ADM2: variants seen among roughly 807,000 people sequenced by gnomAD.
ADM2 encodes the protein adrenomedullin 2.
Under a neutral mutation model 7.1 loss-of-function variants are expected in ADM2, and 5 were observed. The ratio of observed to expected loss-of-function variants is 0.71; its 90% CI spans 0.37 to 1.49. The LOEUF is 1.49. Ranked by LOEUF, ADM2 falls within the 40% of genes most tolerant of loss-of-function variation. ADM2 has a pLI of 0.03. For synonymous variants in ADM2, 123 were observed against 92.8 expected (o/e 1.33, Z -1.87); for missense variants, 236 against 211.2 (o/e 1.12, Z -0.73).
rs1376539243 is a variant in ADM2 at position 50,482,686 on chromosome 22, T to C, written c.230T>C (p.Val77Ala). 6.2e-6 allele frequency: 10 copies of C among 1,601,498 alleles called. No individual in the cohort carries two copies. In the South Asian group the frequency reaches 1.0e-4, roughly 16 times the overall value. The part of the protein sequence containing the change: ...QAQRGAGLAP[V>A]MGQPLRDGGR... ...CAGAGGGGTGCCGGCCTGGCCCCTG[T>C]TATGGGTCAGCCTCTCCGGGATGGT... Residue 77 changes from valine to alanine, a missense_variant, in exon 3 of 3, where the codon GTT becomes GCT. Val to Ala is a moderately conservative substitution (Grantham distance 64). Coordinates refer to ENST00000395737, the MANE Select transcript of ADM2 (RefSeq NM_001253845.2).
In ADM2 at chr22:50,486,003, G is replaced by C. The variant is rs1011927680; in HGVS notation, c.*3100G>C. The C allele has an allele frequency of 2.0e-5, 3 of 152,174 alleles. No homozygotes were observed. The highest frequency in any genetic ancestry group is 4.8e-5 in the African/African-American group (2 of 41,392). The allele number at this position is 152,174 out of a possible 1,614,324, so 9.4% of individuals were successfully genotyped here. A position where few individuals can be genotyped will look rare whatever the true frequency, so the allele number is the denominator to read the frequency against. ...GCATGGGAAGTTGCGTTGGCGGCCT[G>C]GGTGTTGGCGGTTCCGTGCCTGCTC... On this transcript the variant is annotated 3_prime_UTR_variant, in exon 3 of 3. Transcript: ENST00000395737.
In ADM2 at chr22:50,484,161, C is replaced by T. The variant is rs2068234663; in HGVS notation, c.*1258C>T. 6.6e-6 allele frequency: 1 copy of T among 152,428 alleles called. No homozygotes were observed. Among genetic ancestry groups the T allele is most frequent in the South Asian group, 2.1e-4 (1 of 4,834 alleles). The allele number at this position is 152,428 out of a possible 1,614,324, so 9.4% of individuals were successfully genotyped here. A position where few individuals can be genotyped will look rare whatever the true frequency, so the allele number is the denominator to read the frequency against. ...TGGAAGCGCCCACCCAGGCGCCGCC[C>T]CTGTGCTTGCTCCCCGAGCTCAGGG... On this transcript the variant is annotated 3_prime_UTR_variant, in exon 3 of 3. Transcript: ENST00000395737.
In ADM2 at chr22:50,483,845, C is replaced by T. The variant is rs2068230219; in HGVS notation, c.*942C>T. 6.3e-6 allele frequency: 1 copy of T among 159,062 alleles called. No individual in the cohort carries two copies. Among genetic ancestry groups the T allele is most frequent in the Admixed American group, 6.1e-5 (1 of 16,426 alleles). 9.9% of individuals were successfully genotyped at this position (159,062 alleles called of 1,614,324 possible). ...CAAGTGACAGCAAGAACAAGAACCACTGCCGGCGTGCACAGACTTGGTGTG... is the reference window on the plus strand; with the variant it reads ...CAAGTGACAGCAAGAACAAGAACCATTGCCGGCGTGCACAGACTTGGTGTG... On this transcript the variant is annotated 3_prime_UTR_variant, in exon 3 of 3. Coordinates refer to ENST00000395737, the MANE Select transcript of ADM2 (RefSeq NM_001253845.2).
chr22:50,482,084 C>T, intron 2 of ADM2, 127 bp downstream of exon 2: 1 of 872,492 alleles, frequency 1.1e-6, no homozygotes, highest in Non-Finnish European at 1.7e-6. Context: ...AAACAAAGGC[C>T]CCTACCCCAG....
In ADM2 at chr22:50,483,257, A is replaced by G. The variant is rs999672474; in HGVS notation, c.*354A>G. The G allele has an allele frequency of 7.7e-6, 4 of 520,764 alleles. No individual in the cohort carries two copies. The highest frequency in any genetic ancestry group is 1.5e-5 in the Non-Finnish European group (4 of 269,080). The allele number at this position is 520,764 out of a possible 1,614,324, so 32.3% of individuals were successfully genotyped here. A position where few individuals can be genotyped will look rare whatever the true frequency, so the allele number is the denominator to read the frequency against. ...CCATGTCTGGACGAGCAGGGGAGAG[A>G]GGCTGAACTGGCCAGAAGTGGCCCC... On this transcript the variant is annotated 3_prime_UTR_variant, in exon 3 of 3. Coordinates refer to ENST00000395737, the MANE Select transcript of ADM2 (RefSeq NM_001253845.2).
In ADM2 at chr22:50,483,489, C is replaced by T. The variant is rs2068225079; in HGVS notation, c.*586C>T. The T allele has an allele frequency of 2.8e-6, 1 of 351,604 alleles. No homozygotes were observed. Among genetic ancestry groups the T allele is most frequent in the Admixed American group, 3.8e-5 (1 of 26,480 alleles). The allele number at this position is 351,604 out of a possible 1,614,324, so 21.8% of individuals were successfully genotyped here. A position where few individuals can be genotyped will look rare whatever the true frequency, so the allele number is the denominator to read the frequency against. On this transcript the variant is annotated 3_prime_UTR_variant, in exon 3 of 3. Transcript: ENST00000395737. ...GTGGCTCCAGCTGCCAACCCTGGAG[C>T]CCAGACCGAGGTGGCCATGGAGACT...
At chr22:50,481,987 C>G (rs753925378) in intron 2 of ADM2, 30 bp downstream of exon 2, 2 of 1,517,204 alleles carry the variant, frequency 1.3e-6, no homozygotes, top group Middle Eastern at 1.7e-4. Context: ...CAGCCAACCC[C>G]TCTGGCCCCC....
chr22:50,484,282 A>ACCCTTCCC lies in ADM2; in HGVS notation c.*1379_*1380insCCCTTCCC. 6.6e-6 allele frequency: 1 copy of ACCCTTCCC among 152,454 alleles called. No individual in the cohort carries two copies. 9.4% of individuals were successfully genotyped at this position (152,454 alleles called of 1,614,324 possible). A position where few individuals can be genotyped will look rare whatever the true frequency, so the allele number is the denominator to read the frequency against. On this transcript the variant is annotated 3_prime_UTR_variant, in exon 3 of 3. Transcript: ENST00000395737. ...TGTGGAGGCCTCCGTGCACTGAGAG[A>ACCCTTCCC]TGTACTAGGATTGCAGCAAAGGTGG...
chr22:50,482,564 C>T lies in ADM2; in HGVS notation c.111-3C>T, dbSNP rs536825512. 2.5e-5 allele frequency: 37 copies of T among 1,455,496 alleles called. 1 individual carries two copies. Among genetic ancestry groups the T allele is most frequent in the African/African-American group, 2.1e-4 (15 of 69,844 alleles). 90.2% of individuals were successfully genotyped at this position (1,455,496 alleles called of 1,614,324 possible). A position where few individuals can be genotyped will look rare whatever the true frequency, so the allele number is the denominator to read the frequency against. On this transcript the variant is annotated splice_polypyrimidine_tract_variant and splice_region_variant and intron_variant, in intron 2 of 2. Coordinates refer to ENST00000395737, the MANE Select transcript of ADM2 (RefSeq NM_001253845.2). ...GGTTGACATTCTCCATCTGCCTCTG[C>T]AGGGAGCCCCCAGCCCGGAGCCCTT... is the stretch of plus-strand genomic sequence containing the variant.
chr22:50,483,408 C>G lies in ADM2; in HGVS notation c.*505C>G. The G allele has an allele frequency of 2.5e-6, 1 of 394,320 alleles. No homozygotes were observed. The highest frequency in any genetic ancestry group is 5.2e-6 in the Non-Finnish European group (1 of 191,104). The allele number at this position is 394,320 out of a possible 1,614,324, so 24.4% of individuals were successfully genotyped here. On this transcript the variant is annotated 3_prime_UTR_variant, in exon 3 of 3. Transcript: ENST00000395737. The stretch of plus-strand genomic sequence containing the variant: ...AGGGGGAGCGTGGGATGCTGTAGCC[C>G]CCGGGGTTGGGCAAGGGAAGGATGG...
In ADM2 at chr22:50,481,567, G is replaced by T. The variant is rs1418731088; in HGVS notation, c.-208G>T. 1 of 213,704 alleles carries T rather than the reference G, an allele frequency of 4.7e-6. No homozygotes were observed. Among genetic ancestry groups the T allele is most frequent in the East Asian group, 1.1e-4 (1 of 8,980 alleles). 13.2% of individuals were successfully genotyped at this position (213,704 alleles called of 1,614,324 possible). ...TGGAAAGGCTACGTATTCAGCCCTG[G>T]AGGTGCCATCCCGGGCCGCGACTCC... On this transcript the variant is annotated 5_prime_UTR_variant, in exon 1 of 3. Coordinates refer to ENST00000395737, the MANE Select transcript of ADM2 (RefSeq NM_001253845.2).
At chr22:50,482,170 A>G (rs745739234) in intron 2 of ADM2, among the ~76,000 whole-genome samples, 1 of 151,938 alleles carries the variant, frequency 6.6e-6, no homozygotes, top group Admixed American at 6.6e-5. Context: ...TCCTCCCCAC[A>G]CACATGGGCA....
Position 50,482,887 on chromosome 22 carries a change from C to T in ADM2, c.431C>T (p.Pro144Leu), listed in dbSNP as rs765964730. The T allele has an allele frequency of 3.1e-6, 5 of 1,600,126 alleles. No individual in the cohort carries two copies. In the African/African-American group the frequency reaches 5.3e-5, roughly 17 times the overall value. ...QDSAPVDPSS[P>L]HSYG ...TCAGCTCCTGTGGACCCCAGCAGCC[C>T]CCACAGCTATGGCTGAGGTGGGGCC... The change falls in exon 3 of 3, where the codon CCC (proline) becomes CTC (leucine). Residue 144 changes from proline (P) to leucine (L), a missense_variant. By Grantham distance (98) the Pro-to-Leu change is moderately conservative. Coordinates refer to ENST00000395737, the MANE Select transcript of ADM2 (RefSeq NM_001253845.2).
rs1569515999 is a variant in ADM2, at chr22:50,483,120, CT to C, written c.*218del. The C allele has an allele frequency of 1.2e-6, 1 of 824,298 alleles. No individual in the cohort carries two copies. Among genetic ancestry groups the C allele is most frequent in the African/African-American group, 1.7e-5 (1 of 59,556 alleles). The allele number at this position is 824,298 out of a possible 1,614,324, so 51.1% of individuals were successfully genotyped here. A position where few individuals can be genotyped will look rare whatever the true frequency, so the allele number is the denominator to read the frequency against. On this transcript the variant is annotated 3_prime_UTR_variant, in exon 3 of 3. Coordinates refer to ENST00000395737, the MANE Select transcript of ADM2 (RefSeq NM_001253845.2). ...CTAAACACCCTGAAATTGTGACCCC[CT>C]GGGGGACAGCTGCCAGACACAGCTG...
In ADM2 at chr22:50,482,703, C is replaced by A. The variant is rs200276239; in HGVS notation, c.247C>A (p.Arg83=). ...GLAPVMGQPL[R]DGGRQHSGPR... is the part of the protein sequence containing the mutation. ...GGCCCCTGTTATGGGTCAGCCTCTC[C>A]GGGATGGTGGCCGCCAACACTCGGG... Residue 83 remains arginine, a synonymous_variant, in exon 3 of 3, where the codon CGG becomes AGG. Transcript: ENST00000395737. 6.8e-4 allele frequency: 1,086 copies of A among 1,605,516 alleles called. 9 individuals carry two copies. In the African/African-American group the frequency reaches 0.011, roughly 16 times the overall value.
Position 50,484,645 on chromosome 22 carries a change from G to A in ADM2, c.*1742G>A, listed in dbSNP as rs75642208. On this transcript the variant is annotated 3_prime_UTR_variant, in exon 3 of 3. Coordinates refer to ENST00000395737, the MANE Select transcript of ADM2 (RefSeq NM_001253845.2). ...CAGCCCAGCCAAAACCCTCCCAGAC[G>A]TCTCCTCTCCTGCCTGGGCAAAGTC... is the stretch of plus-strand genomic sequence containing the variant. 6.3e-3 allele frequency: 967 copies of A among 152,560 alleles called. 6 individuals carry two copies. The highest frequency in any genetic ancestry group is 0.011 in the Non-Finnish European group (750 of 68,218). 9.5% of individuals were successfully genotyped at this position (152,560 alleles called of 1,614,324 possible).
In ADM2 at chr22:50,483,318, T is replaced by C. The variant is rs565290435; in HGVS notation, c.*415T>C. ...GTCCAGTCAGACTGAAGCCCGGCCTTGTGCCTGGGCTGTTCCTGCTCTCAT... is the reference window on the plus strand; with the variant it reads ...GTCCAGTCAGACTGAAGCCCGGCCTCGTGCCTGGGCTGTTCCTGCTCTCAT... On this transcript the variant is annotated 3_prime_UTR_variant, in exon 3 of 3. Coordinates refer to ENST00000395737, the MANE Select transcript of ADM2 (RefSeq NM_001253845.2). 6.5e-6 allele frequency: 3 copies of C among 462,478 alleles called. No individual in the cohort carries two copies. In the Admixed American group the frequency reaches 7.0e-5, roughly 11 times the overall value. 28.6% of individuals were successfully genotyped at this position (462,478 alleles called of 1,614,324 possible).
In ADM2 at chr22:50,482,792, G is replaced by C. The variant is rs943462630; in HGVS notation, c.336G>C (p.Leu112=). 45 of 1,607,950 alleles carry C rather than the reference G, an allele frequency of 2.8e-5. No individual in the cohort carries two copies. Among genetic ancestry groups the C allele is most frequent in the Non-Finnish European group, 3.7e-5 (44 of 1,179,218 alleles). ...AGCTCCTGCGAGTGGGCTGTGTGCT[G>C]GGCACCTGCCAGGTGCAGAATCTCA... ...QAQLLRVGCV[L]GTCQVQNLSH... The change falls in exon 3 of 3, where the codon CTG becomes CTC. Residue 112 remains leucine (L), a synonymous_variant. Coordinates refer to ENST00000395737, the MANE Select transcript of ADM2 (RefSeq NM_001253845.2).
chr22:50,481,800 C>T (rs1301130125), intron 1 of ADM2, 37 bp downstream of exon 1: 1 of 1,360,434 alleles, frequency 7.4e-7, no homozygotes. Context: ...CTCAGGCTGC[C>T]CCCGACGTGC....
Sources: gnomAD v4.1 joint callset for allele counts (sites outside exome capture counted in the v4.1 genomes callset) on GRCh38, gnomAD v4.1.1 for gene constraint, MANE v1.5 for transcripts, NCBI Gene and HGNC (gene_info 2026-07-23, HGNC 2026-07-21) for gene names.